MAP3K2: variants seen among roughly 807,000 people sequenced by gnomAD.
MAP3K2 encodes mitogen-activated protein kinase kinase kinase 2, also known as MAP/ERK kinase kinase 2.
In MAP3K2, 24 loss-of-function variants were observed where a neutral mutation model predicts 80.3. The ratio of observed to expected loss-of-function variants is 0.30; its 90% CI spans 0.22 to 0.42. MAP3K2 has a LOEUF of 0.42. MAP3K2 is among the 10% of genes least tolerant of loss of function. MAP3K2 has a pLI of 1.00. For missense variants in MAP3K2, 608 were observed against 750.1 expected, an observed-to-expected ratio of 0.81 and a Z score of 2.21; for synonymous variants, 244 against 253.7, an observed-to-expected ratio of 0.96 and a Z score of 0.36.
rs577291449 is a variant in MAP3K2, at chr2:127,319,571, G to A, written c.1046-1254C>T. On this transcript the variant is annotated intron_variant, in intron 12 of 16. Transcript: ENST00000682094. ...TGTAATCCCAGCACTTTGGGAGGCC[G>A]AGGCGGACAGATCACCTGAGGTCAG... Among the ~76,000 whole-genome samples, 5 of 149,422 alleles carry A rather than the reference G, an allele frequency of 3.3e-5. No homozygotes were observed. The East Asian group carries it at 5.9e-4, about 18-fold the overall frequency.
At chr2:127,369,033 C>T (rs1222235362) in intron 1 of MAP3K2, among the ~76,000 whole-genome samples, 7 of 151,864 alleles carry the variant, frequency 4.6e-5, no homozygotes, top group African/African-American at 1.2e-4. Flanking sequence ...CTGCAACCTC[C>T]GACTCCCTGG....
rs1685547466 is a variant in MAP3K2 at position 127,299,387 on chromosome 2, T to G, written c.*8192A>C. On this transcript the variant is annotated 3_prime_UTR_variant, in exon 17 of 17. Coordinates refer to ENST00000682094, the MANE Select transcript of MAP3K2 (RefSeq NM_001371910.2). ...TACAAAGAATCACAATATGCCAATATATTGTTTTATAAACCCAGTCTGACC... is the reference window on the plus strand; with the variant it reads ...TACAAAGAATCACAATATGCCAATAGATTGTTTTATAAACCCAGTCTGACC... The G allele has an allele frequency of 6.6e-6, 1 of 152,198 alleles. No homozygotes were observed. 9.4% of individuals were successfully genotyped at this position (152,198 alleles called of 1,614,324 possible).
In MAP3K2 at chr2:127,314,829, T is replaced by G; in HGVS notation, c.1381A>C (p.Arg461=). 20 of 1,609,774 alleles carry G rather than the reference T, an allele frequency of 1.2e-5. No homozygotes were observed. The highest frequency in any genetic ancestry group is 1.7e-5 in the Non-Finnish European group (20 of 1,176,098). Residue 461 remains arginine (R), a synonymous_variant, in exon 15 of 17, where the codon AGG becomes CGG. Transcript: ENST00000682094. ...AYGALTENVT[R]KYTRQILEGV... ...TCCAGAATCTGACGGGTGTATTTCC[T>G]AGTCACATTCTCAGTAAGAGCGCCA...
Position 127,321,295 on chromosome 2 carries a change from A to C in MAP3K2, c.1045+751T>G, listed in dbSNP as rs140164119. ...TGGATATATACAAAGATCTATAAAA[A>C]TGAATAGACTGAAGATATATATAAA... On this transcript the variant is annotated intron_variant, in intron 12 of 16. Transcript: ENST00000682094. This position sits in a 1 kb window ranked among gnomAD's most constrained non-coding sequence, Gnocchi z 4.4. Among the ~76,000 whole-genome samples the C allele has an allele frequency of 8.7e-3, 1,319 of 152,344 alleles. 5 individuals carry two copies. Among genetic ancestry groups the C allele is most frequent in the Non-Finnish European group, 0.014 (938 of 68,026 alleles).
At chr2:127,367,068 G>C (rs925350288) in intron 1 of MAP3K2, among the ~76,000 whole-genome samples, 107 of 151,934 alleles carry the variant, frequency 7.0e-4, no homozygotes, top group African/African-American at 2.5e-3. Context: ...TACATTACAT[G>C]ATCTCAGAAC....
At position 127,307,816 on chromosome 2, in the gene MAP3K2, C is replaced by A; in HGVS notation, c.1635-12G>T. ...TACATGCAACACTCCTGAAAAGAAA[C>A]AAAAAGAAATACATTACACAAACAA... On this transcript the variant is annotated splice_polypyrimidine_tract_variant and intron_variant, in intron 16 of 16. Coordinates refer to ENST00000682094, the MANE Select transcript of MAP3K2 (RefSeq NM_001371910.2). This position sits in a 1 kb window ranked among gnomAD's most constrained non-coding sequence, Gnocchi z 5.4. The A allele has an allele frequency of 6.5e-7, 1 of 1,544,886 alleles. No individual in the cohort carries two copies. The highest frequency in any genetic ancestry group is 1.2e-5 in the South Asian group (1 of 84,138).
rs1685712802 is a variant in MAP3K2, at chr2:127,306,955, G to GGTTAGGATTAACTTATTATACT, written c.*623_*624insAGTATAATAAGTTAATCCTAAC. 1 of 152,136 alleles carries GGTTAGGATTAACTTATTATACT rather than the reference G, an allele frequency of 6.6e-6. No individual in the cohort carries two copies. Among genetic ancestry groups the GGTTAGGATTAACTTATTATACT allele is most frequent in the Non-Finnish European group, 1.5e-5 (1 of 67,998 alleles). The allele number at this position is 152,136 out of a possible 1,614,324, so 9.4% of individuals were successfully genotyped here. A position where few individuals can be genotyped will look rare whatever the true frequency, so the allele number is the denominator to read the frequency against. ...TTATAGTGTATTTGCTTATTATACT[G>GGTTAGGATTAACTTATTATACT]GTTAGGATTAACAAATAAACATACC... On this transcript the variant is annotated 3_prime_UTR_variant, in exon 17 of 17. Transcript: ENST00000682094. This position sits in a 1 kb window ranked among gnomAD's most constrained non-coding sequence, Gnocchi z 4.7.
At position 127,387,912 on chromosome 2, in the gene MAP3K2, A is replaced by G. The variant is rs113233203; in HGVS notation, c.-526T>C. 4 of 981,630 alleles carry G rather than the reference A, an allele frequency of 4.1e-6. No individual in the cohort carries two copies. The highest frequency in any genetic ancestry group is 1.2e-6 in the Non-Finnish European group (1 of 827,090). The allele number at this position is 981,630 out of a possible 1,614,324, so 60.8% of individuals were successfully genotyped here. On this transcript the variant is annotated 5_prime_UTR_variant, in exon 1 of 17. Coordinates refer to ENST00000682094, the MANE Select transcript of MAP3K2 (RefSeq NM_001371910.2). Reference sequence around the variant, plus strand: ...GAACGCTGCGCCCAGCGGCCGCGGCACCCTCGTCAGGCGCCGCCGCTGAGG... The same window carrying G: ...GAACGCTGCGCCCAGCGGCCGCGGCGCCCTCGTCAGGCGCCGCCGCTGAGG...
chr2:127,343,126 C>T lies in MAP3K2; in HGVS notation c.4G>A (p.Asp2Asn), dbSNP rs199553077. 8.9e-4 allele frequency: 1,381 copies of T among 1,552,538 alleles called. 3 individuals carry two copies. The highest frequency in any genetic ancestry group is 1.1e-3 in the Non-Finnish European group (1,283 of 1,146,340). Reference sequence around the variant, plus strand: ...AAAAATGCTTTTAGTTTGAACTCACCCATTATGGCAAACAGCTCAACAATT... The same window carrying T: ...AAAAATGCTTTTAGTTTGAACTCACTCATTATGGCAAACAGCTCAACAATT... The part of the protein sequence containing the change: M[D>N]DQQALNSIMQ... The change falls in exon 2 of 17, where the codon GAT becomes AAT. Residue 2 changes from aspartate to asparagine, a missense_variant and splice_region_variant. Around this residue, in one of 4 missense-constraint regions of MAP3K2, gnomAD observed 467 missense variants for 521.9 expected, o/e 0.89. Transcript: ENST00000682094.
Position 127,321,246 on chromosome 2 carries a change from A to T in MAP3K2, c.1045+800T>A, listed in dbSNP as rs929508554. Among the ~76,000 whole-genome samples, 10 of 152,232 alleles carry T rather than the reference A, an allele frequency of 6.6e-5. No individual in the cohort carries two copies. Among genetic ancestry groups the T allele is most frequent in the African/African-American group, 2.2e-4 (9 of 41,468 alleles). On this transcript the variant is annotated intron_variant, in intron 12 of 16. Transcript: ENST00000682094. The surrounding 1 kb of genome is among the most constrained non-coding windows in gnomAD (Gnocchi z 4.4). ...GAATTTGATACCCAATAGATCTTGG[A>T]TCTGTCTTTGTTTATACAGATTTTG... is the stretch of plus-strand genomic sequence containing the variant.
At chr2:127,360,468 G>A (rs1170487206) in intron 1 of MAP3K2, among the ~76,000 whole-genome samples, 1 of 151,942 alleles carries the variant, frequency 6.6e-6, no homozygotes. Flanking sequence ...TTTCAGAGAT[G>A]ATGAATATGT....
chr2:127,356,463 A>T (rs997812282), intron 1 of MAP3K2, among the ~76,000 whole-genome samples: 7 of 145,694 alleles, frequency 4.8e-5, no homozygotes, highest in African/African-American at 1.3e-4. Flanking sequence ...ATTTATTGCT[A>T]AAAAAAATGC....
Position 127,322,107 on chromosome 2 carries a change from T to C in MAP3K2, c.984A>G (p.Arg328=). ...TPEYDDSRIR[R]RGSDIDNPTL... ...TAGGATTGTCTATGTCACTTCCCCT[T>C]CTTCTTATTCGACTATCATCATACT... Residue 328 remains arginine (R), a synonymous_variant, in exon 12 of 17, where the codon AGA becomes AGG. Coordinates refer to ENST00000682094, the MANE Select transcript of MAP3K2 (RefSeq NM_001371910.2). This position sits in a 1 kb window ranked among gnomAD's most constrained non-coding sequence, Gnocchi z 4.2. 1 of 1,613,850 alleles carries C rather than the reference T, an allele frequency of 6.2e-7. No homozygotes were observed. Among genetic ancestry groups the C allele is most frequent in the South Asian group, 1.1e-5 (1 of 91,060 alleles).
chr2:127,330,758 A>G (rs1573987724), intron 5 of MAP3K2, among the ~76,000 whole-genome samples: 2 of 152,222 alleles, frequency 1.3e-5, no homozygotes, highest in Non-Finnish European at 2.9e-5. Flanking sequence ...ATAACATTTA[A>G]AGATTAATTT....
At position 127,310,391 on chromosome 2, in the gene MAP3K2, G is replaced by A. The variant is rs564152586; in HGVS notation, c.1457-1629C>T. Among the ~76,000 whole-genome samples, 1 of 152,182 alleles carries A rather than the reference G, an allele frequency of 6.6e-6. No homozygotes were observed. Among genetic ancestry groups the A allele is most frequent in the African/African-American group, 2.4e-5 (1 of 41,428 alleles). ...TGGCCAGGTGCAGTGGCACACACCT[G>A]TACTCCTAGCACTTTGGGAGGCAAA... On this transcript the variant is annotated intron_variant, in intron 15 of 16. Coordinates refer to ENST00000682094, the MANE Select transcript of MAP3K2 (RefSeq NM_001371910.2). The surrounding 1 kb of genome is among the most constrained non-coding windows in gnomAD (Gnocchi z 4.8).
At chr2:127,330,131 T>C (rs1686223440) in intron 6 of MAP3K2, 123 bp from the exon 7 acceptor site, 1 of 627,534 alleles carries the variant, frequency 1.6e-6, no homozygotes, top group Non-Finnish European at 2.8e-6. Flanking sequence ...TCCTCTACTC[T>C]TTGAAATTTT....
At chr2:127,366,310 G>T (rs11691916) in intron 1 of MAP3K2, among the ~76,000 whole-genome samples, 1 of 151,392 alleles carries the variant, frequency 6.6e-6, no homozygotes, top group Admixed American at 6.6e-5. Flanking sequence ...CTACTCAGGA[G>T]GCTGAGGTGG....
At chr2:127,361,425 T>C (rs1284454608) in intron 1 of MAP3K2, among the ~76,000 whole-genome samples, 4 of 150,080 alleles carry the variant, frequency 2.7e-5, no homozygotes, top group African/African-American at 9.8e-5. Context: ...ATAAAAGAAA[T>C]AATACTTCCA....
At chr2:127,337,959 T>C (rs192792518) in intron 3 of MAP3K2, among the ~76,000 whole-genome samples, 181 bp from the exon 4 acceptor site, 4 of 152,320 alleles carry the variant, frequency 2.6e-5, no homozygotes, top group Admixed American at 6.5e-5. Context: ...TGCTAAAAAG[T>C]TGAGAATTAT....
Sources: allele counts gnomAD v4.1 joint callset (sites outside exome capture counted in the v4.1 genomes callset), GRCh38; gene constraint gnomAD v4.1.1; regional missense constraint gnomAD v4.1.1; non-coding constraint Gnocchi (gnomAD v3.1); transcripts MANE v1.5; gene names NCBI Gene and HGNC (gene_info 2026-07-23, HGNC 2026-07-21).